Variants in MAPRE2 observed in about 807,000 individuals in gnomAD.
The protein encoded by MAPRE2 is microtubule associated protein RP/EB family member 2, also known as microtubule-associated protein RP/EB family member 2.
A neutral mutation model predicts 43.2 loss-of-function variants in MAPRE2; 13 were observed. The observed-to-expected ratio is 0.30, with a 90% CI of 0.20 to 0.48. MAPRE2 has a LOEUF of 0.48. Ranked by LOEUF, MAPRE2 falls within the 20% of genes least tolerant of loss-of-function variation. The pLI is 0.99. For missense variants in MAPRE2, 161 were observed against 400.2 expected (o/e 0.40, Z 5.10); for synonymous variants, 135 against 148.8 (o/e 0.91, Z 0.68).
intron 4 of MAPRE2, among the ~76,000 whole-genome samples, chr18:35,116,754 G>A (rs533621074): frequency 1.3e-5 from 2 of 152,288 alleles, no homozygotes; most frequent in African/African-American, 4.8e-5. Context: ...TAACATAATG[G>A]TAAGAGTGAC....
intron 1 of MAPRE2, among the ~76,000 whole-genome samples, chr18:35,049,264 T>C (rs1444367611): frequency 6.6e-6 from 1 of 152,144 alleles, no homozygotes; most frequent in Non-Finnish European, 1.5e-5. Flanking sequence ...AGGTCTTCAT[T>C]TGGTGCTGTG....
intron 2 of MAPRE2, among the ~76,000 whole-genome samples, chr18:35,086,917 C>G (rs1907908004): frequency 6.6e-6 from 1 of 152,092 alleles, no homozygotes; most frequent in South Asian, 2.1e-4. Context: ...TAATATATTC[C>G]ATAAATTTGT....
chr18:35,032,788 ATTTGTTTG>A (rs1031250464), intron 2 of MAPRE2, among the ~76,000 whole-genome samples: 1 of 151,950 alleles, frequency 6.6e-6, no homozygotes, highest in Non-Finnish European at 1.5e-5. Flanking sequence ...CACTTTAAAC[ATTTGTTTG>A]TTTGTTTGTT....
chr18:35,023,671 C>T (rs1353350251), intron 2 of MAPRE2, among the ~76,000 whole-genome samples: 5 of 151,596 alleles, frequency 3.3e-5, no homozygotes, highest in Non-Finnish European at 5.9e-5. Flanking sequence ...TTGAGAGAGG[C>T]AATTGGAGAA....
intron 4 of MAPRE2, among the ~76,000 whole-genome samples, chr18:35,124,586 G>T (rs1909824983): frequency 1.3e-5 from 2 of 152,120 alleles, no homozygotes; most frequent in South Asian, 4.1e-4. Flanking sequence ...CATTTTTAGG[G>T]GCCTCCAGTG....
chr18:34,996,395 C>T (rs1172514913), intron 1 of MAPRE2, among the ~76,000 whole-genome samples: 5 of 152,096 alleles, frequency 3.3e-5, no homozygotes, highest in African/African-American at 7.2e-5. Context: ...CAATAGTGTT[C>T]GCACTCCTAT....
rs1450524683 is a variant in MAPRE2, at chr18:34,980,023, CTT to C, written c.-70+2950_-70+2951del. Among the ~76,000 whole-genome samples, 180 of 132,476 alleles carry C rather than the reference CTT, an allele frequency of 1.4e-3. 4 individuals are homozygous for C. The highest frequency in any genetic ancestry group is 4.7e-3 in the African/African-American group (159 of 34,106). The allele number at this position is 132,476 out of a possible 152,430, so 86.9% of individuals were successfully genotyped here. ...TTTCTTTTCTTTTCTTTTTCTTTTTCTTTTTTTCTTTTTTTTTTTTTTTTTTT... is the reference window on the plus strand; with the variant it reads ...TTTCTTTTCTTTTCTTTTTCTTTTTCTTTTTCTTTTTTTTTTTTTTTTTTT... On this transcript the variant is annotated intron_variant, in intron 1 of 7. Transcript: ENST00000413393.
At chr18:35,121,448 G>A (rs1035820467) in intron 4 of MAPRE2, among the ~76,000 whole-genome samples, 1 of 151,690 alleles carries the variant, frequency 6.6e-6, no homozygotes, top group African/African-American at 2.4e-5. Context: ...CAGGGACTTA[G>A]ACAGAATTTA....
At chr18:35,021,704 A>G (rs1226566305) in intron 2 of MAPRE2, among the ~76,000 whole-genome samples, 1 of 152,182 alleles carries the variant, frequency 6.6e-6, no homozygotes, top group Admixed American at 6.5e-5. Flanking sequence ...CACAGGGTAT[A>G]AAGCAAAAGA....
intron 1 of MAPRE2, among the ~76,000 whole-genome samples, chr18:34,985,523 T>TATATAAATATAATATATATATTATA (rs1568962007): frequency 2.0e-5 from 1 of 50,266 alleles, no homozygotes; most frequent in Non-Finnish European, 3.3e-5. Context: ...ATATATTATA[T>TATATAAATATAATATATATATTATA]ATTATAAATA....
At chr18:35,092,445 A>G (rs1908196761) in intron 2 of MAPRE2, among the ~76,000 whole-genome samples, 3 of 152,176 alleles carry the variant, frequency 2.0e-5, no homozygotes, top group Admixed American at 1.3e-4. Flanking sequence ...ATCTCTTACC[A>G]CATACAAAAA....
intron 1 of MAPRE2, 199 bp downstream of exon 1, chr18:35,041,860 G>A (rs1210764371): frequency 7.4e-7 from 1 of 1,349,574 alleles, no homozygotes; most frequent in Non-Finnish European, 9.8e-7. Context: ...CAGATGGAAA[G>A]CATTTTGTGA....
intron 1 of MAPRE2, among the ~76,000 whole-genome samples, chr18:34,991,582 A>G (rs995805765): frequency 6.6e-6 from 1 of 152,158 alleles, no homozygotes; most frequent in African/African-American, 2.4e-5. Flanking sequence ...CCGCTATATT[A>G]TACTTACCCA....
intron 1 of MAPRE2, among the ~76,000 whole-genome samples, chr18:35,045,743 CA>C (rs1228379548): frequency 6.6e-6 from 1 of 152,128 alleles, no homozygotes; most frequent in Non-Finnish European, 1.5e-5. Context: ...TTATAGATTG[CA>C]AAAGTCTACG....
At chr18:35,006,751 T>C (rs2097032055) in intron 2 of MAPRE2, among the ~76,000 whole-genome samples, 2 of 152,076 alleles carry the variant, frequency 1.3e-5, no homozygotes, top group Admixed American at 6.6e-5. Context: ...TTACCAGAGG[T>C]TAGGAGTTAA....
At chr18:35,005,902 G>C (rs2097031624) in intron 2 of MAPRE2, among the ~76,000 whole-genome samples, 1 of 152,142 alleles carries the variant, frequency 6.6e-6, no homozygotes, top group Non-Finnish European at 1.5e-5. Context: ...ATTTTTATTT[G>C]ATATTGTTAA....
At chr18:35,045,258 A>C (rs368789836) in intron 1 of MAPRE2, among the ~76,000 whole-genome samples, 5 of 152,318 alleles carry the variant, frequency 3.3e-5, no homozygotes, top group African/African-American at 1.2e-4. Flanking sequence ...CCTGGAGAGG[A>C]TGCTCCCCAT....
intron 3 of MAPRE2, among the ~76,000 whole-genome samples, chr18:35,099,954 G>C (rs901353978): frequency 6.6e-6 from 1 of 152,094 alleles, no homozygotes; most frequent in Non-Finnish European, 1.5e-5. Context: ...TTCTAAAGTG[G>C]TCCTATTGAT....
At chr18:35,036,047 C>T (rs2097050395) in intron 2 of MAPRE2, among the ~76,000 whole-genome samples, 1 of 150,980 alleles carries the variant, frequency 6.6e-6, no homozygotes, top group Non-Finnish European at 1.5e-5. Context: ...AGGTACTTCT[C>T]TATGTCCAAA....
Sources: gnomAD v4.1 joint callset for allele counts (sites outside exome capture counted in the v4.1 genomes callset) on GRCh38, gnomAD v4.1.1 for gene constraint, MANE v1.5 for transcripts, NCBI Gene and HGNC (gene_info 2026-07-23, HGNC 2026-07-21) for gene names.